The following KCTD8 variants were observed in gnomAD, a reference collection of about 807,000 sequenced individuals.
The protein encoded by KCTD8 is BTB/POZ domain-containing protein KCTD8.
Under a neutral mutation model 31.5 loss-of-function variants are expected in KCTD8, and 27 were observed. That is an observed-to-expected ratio of 0.86 (90% CI 0.63 to 1.18). KCTD8 has a LOEUF of 1.18. Among genes scored for constraint, KCTD8 ranks in the 50% most tolerant of loss-of-function variants. The pLI is 0.00. For missense variants in KCTD8, 658 were observed against 647.7 expected (o/e 1.02, Z -0.17); for synonymous variants, 290 against 280.0 (o/e 1.04, Z -0.36).
At chr4:44,227,236 C>T (rs1268505439) in intron 1 of KCTD8, among the ~76,000 whole-genome samples, 1 of 152,128 alleles carries the variant, frequency 6.6e-6, no homozygotes, top group Non-Finnish European at 1.5e-5. Flanking sequence ...AGGAAGGGAT[C>T]CAGTTTCTGT....
chr4:44,298,821 C>G (rs1347029294), intron 1 of KCTD8, among the ~76,000 whole-genome samples: 2 of 151,964 alleles, frequency 1.3e-5, no homozygotes, highest in African/African-American at 4.8e-5. Context: ...GAACATAGCA[C>G]AGAAGTTAGA....
chr4:44,256,731 T>C (rs1289860220), intron 1 of KCTD8, among the ~76,000 whole-genome samples: 1 of 151,754 alleles, frequency 6.6e-6, no homozygotes, highest in East Asian at 1.9e-4. Context: ...AAAGCAGAGA[T>C]CAGAATGCTT....
intron 1 of KCTD8, among the ~76,000 whole-genome samples, chr4:44,188,742 A>G (rs750673665): frequency 1.6e-4 from 25 of 152,294 alleles, no homozygotes; most frequent in Non-Finnish European, 3.1e-4. Context: ...AGAAGGGGGC[A>G]ATGTGTCCAT....
At chr4:44,234,521 T>C (rs1715218820) in intron 1 of KCTD8, among the ~76,000 whole-genome samples, 1 of 152,148 alleles carries the variant, frequency 6.6e-6, no homozygotes, top group Non-Finnish European at 1.5e-5. Flanking sequence ...TTTTCTCTAG[T>C]AGTATTAATA....
intron 1 of KCTD8, among the ~76,000 whole-genome samples, chr4:44,378,741 T>C (rs1337063113): frequency 6.6e-6 from 1 of 152,132 alleles, no homozygotes; most frequent in Admixed American, 6.6e-5. Context: ...GTTGTATTAG[T>C]TTCCTAAGCC....
intron 1 of KCTD8, among the ~76,000 whole-genome samples, chr4:44,192,499 C>CAT (rs1259763790): frequency 6.6e-6 from 1 of 151,764 alleles, no homozygotes; most frequent in African/African-American, 2.4e-5. Flanking sequence ...CACACACACA[C>CAT]ACACACACAC....
chr4:44,358,738 T>C (rs557390069), intron 1 of KCTD8, among the ~76,000 whole-genome samples: 103 of 152,116 alleles, frequency 6.8e-4, no homozygotes, highest in African/African-American at 2.4e-3. Flanking sequence ...CCGGTTAATT[T>C]TTTTGTATTT....
chr4:44,285,165 A>G (rs558285434), intron 1 of KCTD8, among the ~76,000 whole-genome samples: 1 of 152,318 alleles, frequency 6.6e-6, no homozygotes, highest in East Asian at 1.9e-4. Context: ...ATAAAGACAC[A>G]TGTACACATA....
At chr4:44,222,687 T>G (rs1309561029) in intron 1 of KCTD8, among the ~76,000 whole-genome samples, 1 of 152,222 alleles carries the variant, frequency 6.6e-6, no homozygotes, top group Non-Finnish European at 1.5e-5. Context: ...TCTAAGGCTG[T>G]GTCTGGAACT....
At chr4:44,404,734 T>C (rs1028920316) in intron 1 of KCTD8, among the ~76,000 whole-genome samples, 3 of 152,156 alleles carry the variant, frequency 2.0e-5, no homozygotes, top group Admixed American at 6.5e-5. Flanking sequence ...AGTTTTGAAT[T>C]TCAAGAAATC....
At chr4:44,296,425 C>T (rs1004237514) in intron 1 of KCTD8, among the ~76,000 whole-genome samples, 3 of 151,554 alleles carry the variant, frequency 2.0e-5, no homozygotes, top group Non-Finnish European at 4.4e-5. Context: ...AACAGTGTCA[C>T]ATGTGTTAAT....
chr4:44,364,758 G>A (rs4434291), intron 1 of KCTD8, among the ~76,000 whole-genome samples: 46,806 of 151,918 alleles, frequency 0.31, 7,906 homozygotes, highest in Non-Finnish European at 0.39. Flanking sequence ...AAATGACATG[G>A]AGGGAACTTA....
intron 1 of KCTD8, among the ~76,000 whole-genome samples, chr4:44,428,304 A>G (rs1682170978): frequency 6.6e-6 from 1 of 151,776 alleles, no homozygotes; most frequent in Admixed American, 6.6e-5. Flanking sequence ...CTTTCAGTGT[A>G]GCTTCATTTA....
intron 1 of KCTD8, among the ~76,000 whole-genome samples, chr4:44,447,053 G>T (rs941495151): frequency 3.3e-5 from 5 of 152,168 alleles, no homozygotes; most frequent in Non-Finnish European, 7.3e-5. Context: ...GTAACTGGAG[G>T]CTCCCGCGCG....
intron 1 of KCTD8, among the ~76,000 whole-genome samples, chr4:44,349,052 C>G (rs1268960541): frequency 6.7e-6 from 1 of 149,484 alleles, no homozygotes; most frequent in East Asian, 2.0e-4. Flanking sequence ...TGCTTAGTAG[C>G]ACCACCATCG....
chr4:44,295,902 C>T (rs182664841), intron 1 of KCTD8, among the ~76,000 whole-genome samples: 1 of 152,252 alleles, frequency 6.6e-6, no homozygotes, highest in East Asian at 1.9e-4. Flanking sequence ...CTTTCAGTAG[C>T]TTCTCTTTGT....
chr4:44,210,447 T>C (rs963414834), intron 1 of KCTD8, among the ~76,000 whole-genome samples: 3 of 152,222 alleles, frequency 2.0e-5, no homozygotes, highest in Admixed American at 2.0e-4. Flanking sequence ...TGAGGTTATA[T>C]AACAATTAGG....
At chr4:44,407,480 A>G (rs1204438260) in intron 1 of KCTD8, among the ~76,000 whole-genome samples, 4 of 149,454 alleles carry the variant, frequency 2.7e-5, no homozygotes, top group African/African-American at 4.9e-5. Context: ...TCCACCTCCC[A>G]GGTTCAAGAG....
At chr4:44,307,578 A>G (rs574023197) in intron 1 of KCTD8, among the ~76,000 whole-genome samples, 1 of 152,152 alleles carries the variant, frequency 6.6e-6, no homozygotes, top group Admixed American at 6.5e-5. Context: ...CAGATTAAAA[A>G]TAAAATGTGA....
Sources: gnomAD v4.1 joint callset for allele counts (sites outside exome capture counted in the v4.1 genomes callset) on GRCh38, gnomAD v4.1.1 for gene constraint, MANE v1.5 for transcripts, NCBI Gene and HGNC (gene_info 2026-07-23, HGNC 2026-07-21) for gene names.